Variants in PDE10A observed in about 807,000 individuals in gnomAD.
The protein encoded by PDE10A is cAMP and cAMP-inhibited cGMP 3',5'-cyclic phosphodiesterase 10A.
A neutral mutation model predicts 97.7 loss-of-function variants in PDE10A; 39 were observed. The ratio of observed to expected loss-of-function variants is 0.40; its 90% confidence interval spans 0.31 to 0.52. The LOEUF (loss-of-function observed/expected upper bound fraction) is 0.52, where lower values mean the gene tolerates loss of function less well. Among genes scored for constraint, PDE10A ranks in the 20% least tolerant of loss-of-function variants. The pLI is 0.56. For synonymous variants in PDE10A, 371 were observed against 376.8 expected (o/e 0.98, Z 0.18); for missense variants, 731 against 1,047.8 (o/e 0.70, Z 4.17).
At chr6:165,379,479 G>A in intron 17 of PDE10A, 113 bp from the exon 18 acceptor site, 1 of 783,692 alleles carries the variant, frequency 1.3e-6, no homozygotes, top group Non-Finnish European at 1.9e-6. Context: ...GCACACTAAT[G>A]AAAGGTTTTG....
intron 1 of PDE10A, among the ~76,000 whole-genome samples, chr6:165,967,150 T>C (rs1480985387): frequency 1.3e-5 from 2 of 152,200 alleles, no homozygotes; most frequent in East Asian, 3.8e-4. Context: ...CCCCAATGCC[T>C]GTGTCAGACC....
chr6:165,687,343 C>T (rs531176023), intron 1 of PDE10A, among the ~76,000 whole-genome samples: 132 of 152,230 alleles, frequency 8.7e-4, no homozygotes, highest in Non-Finnish European at 1.6e-3. Flanking sequence ...AAGGAAGCTA[C>T]AGACGGTTCC....
intron 3 of PDE10A, among the ~76,000 whole-genome samples, chr6:165,450,581 G>A (rs1002794417): frequency 4.2e-4 from 64 of 151,756 alleles, no homozygotes; most frequent in African/African-American, 1.5e-3. Context: ...TTTATTTTGA[G>A]ACAGGGTCTG....
chr6:165,659,276 G>C (rs1200577677), intron 1 of PDE10A, among the ~76,000 whole-genome samples: 1 of 149,556 alleles, frequency 6.7e-6, no homozygotes, highest in African/African-American at 2.5e-5. Flanking sequence ...AGATCAAACT[G>C]AAAGAAAAAA....
intron 1 of PDE10A, among the ~76,000 whole-genome samples, chr6:165,559,056 T>C (rs192661535): frequency 6.6e-6 from 1 of 152,178 alleles, no homozygotes; most frequent in African/African-American, 2.4e-5. Context: ...CAGAAACTGG[T>C]GACAAATTAT....
At chr6:165,840,555 A>G (rs1273675872) in intron 1 of PDE10A, among the ~76,000 whole-genome samples, 1 of 152,068 alleles carries the variant, frequency 6.6e-6, no homozygotes, top group East Asian at 1.9e-4. Flanking sequence ...TCACCTCACA[A>G]ATTACACCAC....
intron 1 of PDE10A, among the ~76,000 whole-genome samples, chr6:165,620,535 A>G (rs1374679739): frequency 2.6e-5 from 4 of 152,158 alleles, no homozygotes; most frequent in Non-Finnish European, 5.9e-5. Flanking sequence ...CATTGTGCAG[A>G]GCCACTGAAG....
At chr6:165,795,278 C>T (rs778343079) in intron 1 of PDE10A, among the ~76,000 whole-genome samples, 1 of 152,214 alleles carries the variant, frequency 6.6e-6, no homozygotes, top group Non-Finnish European at 1.5e-5. Flanking sequence ...ATTTCCTGCT[C>T]TGTTTAGTCA....
intron 1 of PDE10A, among the ~76,000 whole-genome samples, chr6:165,602,685 C>G (rs62426699): frequency 0.12 from 18,487 of 152,130 alleles, 1,163 homozygotes; most frequent in Non-Finnish European, 0.14. Context: ...ACAGGGCACC[C>G]ATATGATAAA....
At chr6:165,866,423 A>C (rs200159549) in intron 1 of PDE10A, among the ~76,000 whole-genome samples, 1 of 119,884 alleles carries the variant, frequency 8.3e-6, no homozygotes, top group Admixed American at 9.1e-5. Flanking sequence ...AATTTCTGTT[A>C]ATTCATTTCG....
chr6:165,812,513 A>G (rs1779309396), intron 1 of PDE10A, among the ~76,000 whole-genome samples: 2 of 152,256 alleles, frequency 1.3e-5, no homozygotes, highest in Admixed American at 1.3e-4. Context: ...CTGACTGCAT[A>G]GTCACGGACT....
intron 1 of PDE10A, among the ~76,000 whole-genome samples, chr6:165,796,730 A>G (rs945810970): frequency 1.6e-4 from 24 of 152,182 alleles, no homozygotes; most frequent in Non-Finnish European, 3.1e-4. Context: ...ATTCCAAACC[A>G]AGACCCAATC....
At chr6:165,767,430 A>C (rs73030273) in intron 1 of PDE10A, among the ~76,000 whole-genome samples, 7,150 of 152,286 alleles carry the variant, frequency 0.047, 267 homozygotes, top group South Asian at 0.19. Context: ...ATCCGTTGGC[A>C]GCCACTCTCC....
intron 2 of PDE10A, among the ~76,000 whole-genome samples, chr6:165,490,678 C>T (rs1216683847): frequency 2.0e-5 from 3 of 152,152 alleles, no homozygotes; most frequent in Non-Finnish European, 4.4e-5. Context: ...AAGAATTCAC[C>T]AACCAAGGCT....
At position 165,419,775 on chromosome 6, in the gene PDE10A, G is replaced by T. The variant is rs77700244; in HGVS notation, c.1654-998C>A. On this transcript the variant is annotated intron_variant, in intron 10 of 21. Transcript: ENST00000539869. ...GATCATAGCCATGAAATTATTCCTC[G>T]GAGAAAAAGAATTCATCCTTACAGT... 6.8e-3 allele frequency among the ~76,000 whole-genome samples: 1,041 copies of T among 152,158 alleles called. 14 individuals carry two copies. Among genetic ancestry groups the T allele is most frequent in the African/African-American group, 0.024 (987 of 41,504 alleles).
At chr6:165,514,873 T>C (rs1781704568) in intron 2 of PDE10A, among the ~76,000 whole-genome samples, 1 of 152,222 alleles carries the variant, frequency 6.6e-6, no homozygotes, top group African/African-American at 2.4e-5. Flanking sequence ...TGCCTTTGAA[T>C]GATGTCCAGA....
intron 1 of PDE10A, among the ~76,000 whole-genome samples, chr6:165,550,612 A>T (rs986615978): frequency 3.3e-5 from 5 of 152,254 alleles, no homozygotes; most frequent in Non-Finnish European, 7.3e-5. Context: ...GTTTAATCTG[A>T]ATGTTATTAA....
rs34189554 is a variant in PDE10A, at chr6:165,691,099, T to TCTCTCTCTCTCTCTCTCTCTC, written c.-614-147532_-614-147531insGAGAGAGAGAGAGAGAGAGAG. On this transcript the variant is annotated intron_variant, in intron 1 of 19. Coordinates refer to the PDE10A transcript ENST00000366882. Reference sequence around the variant, plus strand: ...TTTCTCTCTCTCTCTCTCTCTCTCTTTCTCTCTCCCCCCCCCCATCAGTGC... The same window carrying TCTCTCTCTCTCTCTCTCTCTC: ...TTTCTCTCTCTCTCTCTCTCTCTCTTCTCTCTCTCTCTCTCTCTCTCTCTCTCTCCCCCCCCCCATCAGTGC... Among the ~76,000 whole-genome samples the TCTCTCTCTCTCTCTCTCTCTC allele has an allele frequency of 3.8e-5, 2 of 53,268 alleles. 1 individual carries two copies. 34.9% of individuals were successfully genotyped at this position (53,268 alleles called of 152,430 possible).
upstream of PDE10A, among the ~76,000 whole-genome samples, chr6:165,663,342 C>T (rs953780708): frequency 6.6e-6 from 1 of 152,048 alleles, no homozygotes; most frequent in African/African-American, 2.4e-5. Context: ...CTCCCGCACC[C>T]GAGTGATCCT....
Sources: gnomAD v4.1 joint callset for allele counts (sites outside exome capture counted in the v4.1 genomes callset) on GRCh38, gnomAD v4.1.1 for gene constraint, MANE v1.5 for transcripts, NCBI Gene and HGNC (gene_info 2026-07-23, HGNC 2026-07-21) for gene names.